Variants in DIS3L2 observed in about 807,000 individuals in gnomAD.
DIS3L2 encodes DIS3 like 3'-5' exoribonuclease 2.
Under a neutral mutation model 97.5 loss-of-function variants are expected in DIS3L2, and 34 were observed. That is an observed-to-expected ratio of 0.35 (90% CI 0.27 to 0.46). DIS3L2 has a LOEUF of 0.46. DIS3L2 is among the 20% of genes least tolerant of loss of function. The pLI, the probability that DIS3L2 is intolerant of heterozygous loss-of-function variation, is 1.00. For synonymous variants in DIS3L2, 435 were observed against 445.2 expected (o/e 0.98, Z 0.29); for missense variants, 1,038 against 1,146.0 (o/e 0.91, Z 1.36).
chr2:232,135,454 A>C (rs1335429291), intron 7 of DIS3L2, among the ~76,000 whole-genome samples: 1 of 152,174 alleles, frequency 6.6e-6, no homozygotes, highest in Non-Finnish European at 1.5e-5. Context: ...AGACAGTTAC[A>C]TGCAAGGGAG....
chr2:232,205,293 T>C (rs1345735813), intron 9 of DIS3L2, among the ~76,000 whole-genome samples: 1 of 151,320 alleles, frequency 6.6e-6, no homozygotes, highest in African/African-American at 2.4e-5. Context: ...TCTTGCTCTA[T>C]CACCCAGGCT....
At chr2:232,027,071 A>C (rs1364421578) in intron 4 of DIS3L2, among the ~76,000 whole-genome samples, 1 of 152,178 alleles carries the variant, frequency 6.6e-6, no homozygotes, top group Non-Finnish European at 1.5e-5. Flanking sequence ...ACAGTCCTAC[A>C]TTCTTGCTTT....
intron 5 of DIS3L2, among the ~76,000 whole-genome samples, chr2:232,044,961 A>G (rs1011951509): frequency 2.6e-5 from 4 of 152,112 alleles, no homozygotes; most frequent in African/African-American, 9.7e-5. Flanking sequence ...CATGTAATGG[A>G]TGCTTTAGTG....
At chr2:232,234,289 A>C (rs899256201) in intron 10 of DIS3L2, among the ~76,000 whole-genome samples, 3 of 152,250 alleles carry the variant, frequency 2.0e-5, no homozygotes, top group African/African-American at 7.2e-5. Flanking sequence ...TTGTGTGTGA[A>C]GCCCCTAGCA....
chr2:232,221,291 A>T (rs2106232557), intron 10 of DIS3L2, among the ~76,000 whole-genome samples: 1 of 152,272 alleles, frequency 6.6e-6, no homozygotes, highest in African/African-American at 2.4e-5. Context: ...TGGTGCATGT[A>T]GATCTTATTT....
intron 10 of DIS3L2, among the ~76,000 whole-genome samples, chr2:232,234,448 C>T (rs1056500816): frequency 2.0e-5 from 3 of 152,208 alleles, no homozygotes; most frequent in Non-Finnish European, 2.9e-5. Flanking sequence ...CTCCCGGGTT[C>T]GAGTGATTCT....
intron 4 of DIS3L2, among the ~76,000 whole-genome samples, chr2:232,024,724 C>T (rs1694611421): frequency 6.6e-6 from 1 of 151,852 alleles, no homozygotes; most frequent in Non-Finnish European, 1.5e-5. Context: ...CTAATCTGAA[C>T]ATTTGTCCAA....
intron 10 of DIS3L2, among the ~76,000 whole-genome samples, chr2:232,236,051 A>G (rs1279305337): frequency 2.0e-5 from 3 of 152,194 alleles, no homozygotes; most frequent in African/African-American, 7.2e-5. Context: ...GTATTCCTTT[A>G]TGTATTACAG....
At chr2:232,214,816 C>T (rs551497253) in intron 10 of DIS3L2, among the ~76,000 whole-genome samples, 13 of 152,324 alleles carry the variant, frequency 8.5e-5, no homozygotes, top group Admixed American at 2.6e-4. Context: ...GACCTTTATT[C>T]GCTTTTCGTT....
intron 1 of DIS3L2, among the ~76,000 whole-genome samples, chr2:231,995,447 T>G (rs1693706831): frequency 6.6e-6 from 1 of 152,180 alleles, no homozygotes; most frequent in East Asian, 1.9e-4. Flanking sequence ...TGTGATTTTT[T>G]TTCCTTCACC....
At chr2:232,329,785 T>TGCCCGGGGGGGAG in intron 14 of DIS3L2, 28 bp from the exon 15 acceptor site, 1 of 967,144 alleles carries the variant, frequency 1.0e-6, no homozygotes, top group Non-Finnish European at 1.5e-6. Flanking sequence ...ACCCCAGCGG[T>TGCCCGGGGGGGAG]CCCTCCCATC....
chr2:232,320,013 G>A (rs1279987253), intron 14 of DIS3L2, among the ~76,000 whole-genome samples: 1 of 152,214 alleles, frequency 6.6e-6, no homozygotes, highest in Non-Finnish European at 1.5e-5. Context: ...GCAGTCTTTG[G>A]TTGACTTTGG....
intron 9 of DIS3L2, among the ~76,000 whole-genome samples, chr2:232,200,096 A>C (rs1168809074): frequency 6.6e-6 from 1 of 152,240 alleles, no homozygotes; most frequent in Non-Finnish European, 1.5e-5. Context: ...TGTAATTCTG[A>C]AACAGTTTTG....
In DIS3L2 at chr2:232,334,687, C is replaced by G. The variant is rs375456340; in HGVS notation, c.2346C>G (p.Phe782Leu). Residue 782 changes from phenylalanine to leucine, a missense_variant, in exon 19 of 21, where the codon TTC (phenylalanine) becomes TTG (leucine). Around this residue, in one of 3 missense-constraint regions of DIS3L2, gnomAD observed 221 missense variants for 246.9 expected, o/e 0.90. Coordinates refer to ENST00000325385, the MANE Select transcript of DIS3L2 (RefSeq NM_152383.5). The part of the protein sequence containing the change: ...AMVMGILKQA[F>L]DVLVLRYGVQ... The stretch of plus-strand genomic sequence containing the variant: ...TGATGGGCATCCTGAAGCAAGCCTT[C>G]GACGTGCTGGTGCTGCGCTACGGCG... 8 of 1,610,820 alleles carry G rather than the reference C, an allele frequency of 5.0e-6. No homozygotes were observed. In the African/African-American group the frequency reaches 5.3e-5, roughly 11 times the overall value.
At chr2:232,131,989 T>C (rs895051734) in intron 7 of DIS3L2, 1 of 46,608 alleles carries the variant, frequency 2.1e-5, no homozygotes, top group Admixed American at 2.1e-4. Context: ...TGGGCGGGGG[T>C]GGGGGTGTTC....
chr2:231,984,387 T>C (rs931332905), intron 1 of DIS3L2, among the ~76,000 whole-genome samples: 17 of 139,798 alleles, frequency 1.2e-4, no homozygotes, highest in South Asian at 1.1e-3. Context: ...GCAACTTCTT[T>C]TTTTTTTTTT....
chr2:232,327,879 T>C (rs1695621346), intron 14 of DIS3L2, among the ~76,000 whole-genome samples: 1 of 152,214 alleles, frequency 6.6e-6, no homozygotes, highest in Admixed American at 6.5e-5. Flanking sequence ...GAACCTGTTT[T>C]CTCTGCGTCC....
intron 5 of DIS3L2, among the ~76,000 whole-genome samples, chr2:232,072,783 G>GGT (rs56884799): frequency 0.033 from 4,604 of 139,842 alleles, 197 homozygotes; most frequent in African/African-American, 0.1. Flanking sequence ...TGGGATGTGG[G>GGT]GTGTGTGTGT....
chr2:232,273,257 C>T (rs953494821), intron 13 of DIS3L2, among the ~76,000 whole-genome samples: 4 of 152,106 alleles, frequency 2.6e-5, no homozygotes, highest in African/African-American at 9.7e-5. Flanking sequence ...TTTCCTTTTG[C>T]TTCCCTGTCT....
Sources: gnomAD v4.1 joint callset for allele counts (sites outside exome capture counted in the v4.1 genomes callset) on GRCh38, gnomAD v4.1.1 for gene constraint, gnomAD v4.1.1 regional missense constraint, MANE v1.5 for transcripts, NCBI Gene and HGNC (gene_info 2026-07-23, HGNC 2026-07-21) for gene names.